SVEP1: variants seen among roughly 807,000 people sequenced by gnomAD.
SVEP1 encodes sushi, von Willebrand factor type A, EGF and pentraxin domain-containing protein 1.
SVEP1 carries 164 observed loss-of-function variants against 367.3 expected under a neutral mutation model. The ratio of observed to expected loss-of-function variants is 0.45; its 90% confidence interval spans 0.39 to 0.51. The LOEUF is 0.51. Ranked by LOEUF, SVEP1 falls within the 20% of genes least tolerant of loss-of-function variation. The pLI is 0.00. For synonymous variants in SVEP1, 1,666 were observed against 1,611.6 expected (o/e 1.03, Z -0.81); for missense variants, 4,117 against 4,425.3 (o/e 0.93, Z 1.98).
chr9:110,517,597 CA>C (rs10656763), intron 3 of SVEP1, among the ~76,000 whole-genome samples: 215 of 125,780 alleles, frequency 1.7e-3, no homozygotes, highest in South Asian at 5.4e-3. Context: ...GACGCTATCT[CA>C]AAAAAAAAAA....
intron 36 of SVEP1, among the ~76,000 whole-genome samples, chr9:110,416,933 C>A (rs1828130007): frequency 6.6e-6 from 1 of 152,046 alleles, no homozygotes. Context: ...CATCTTCCCC[C>A]CAGTTGTGAC....
At chr9:110,552,824 C>G (rs1588105695) in intron 1 of SVEP1, among the ~76,000 whole-genome samples, 1 of 152,164 alleles carries the variant, frequency 6.6e-6, no homozygotes, top group Admixed American at 6.5e-5. Flanking sequence ...TAGAGTAAAA[C>G]TACTCCATTG....
chr9:110,448,654 C>T (rs1264644530), intron 24 of SVEP1, among the ~76,000 whole-genome samples: 1 of 152,176 alleles, frequency 6.6e-6, no homozygotes, highest in Non-Finnish European at 1.5e-5. Context: ...GAATTGGGAG[C>T]GTGTACCTTC....
rs769051232 is a variant in SVEP1, at chr9:110,408,037, G to A, written c.7563C>T (p.Thr2521=). Residue 2521 remains threonine (T), a synonymous_variant, in exon 38 of 48, where the codon ACC becomes ACT. Coordinates refer to ENST00000374469, the MANE Select transcript of SVEP1 (RefSeq NM_153366.4). ...YTDLHYGQTV[T]YSCNRGFRLE... is the part of the protein sequence containing the mutation. ...GCCGAAAGCCTCGGTTGCAAGAGTAGGTAACGGTCTGTCCATAGTGTAGGT... is the reference window on the plus strand; with the variant it reads ...GCCGAAAGCCTCGGTTGCAAGAGTAAGTAACGGTCTGTCCATAGTGTAGGT... 1 of 1,614,016 alleles carries A rather than the reference G, an allele frequency of 6.2e-7. No individual in the cohort carries two copies. Among genetic ancestry groups the A allele is most frequent in the Non-Finnish European group, 8.5e-7 (1 of 1,179,902 alleles).
chr9:110,375,465 T>TCA lies in SVEP1; in HGVS notation c.10505-3_10505-2insTG. 1 of 555,402 alleles carries TCA rather than the reference T, an allele frequency of 1.8e-6. No homozygotes were observed. 34.4% of individuals were successfully genotyped at this position (555,402 alleles called of 1,614,324 possible). On this transcript the variant is annotated splice_region_variant and splice_polypyrimidine_tract_variant and intron_variant, in intron 45 of 47. Coordinates refer to ENST00000374469, the MANE Select transcript of SVEP1 (RefSeq NM_153366.4). ...TCAGACAGGGAAGAATGCAGATTGC[T>TCA]AAAAAAAAAAAAAAAAAAAAAAAAA...
chr9:110,522,251 T>C (rs1179673707), intron 3 of SVEP1, among the ~76,000 whole-genome samples: 2 of 151,982 alleles, frequency 1.3e-5, no homozygotes, highest in Non-Finnish European at 2.9e-5. Context: ...CCAACAGAAG[T>C]TGATTTGTGT....
intron 3 of SVEP1, among the ~76,000 whole-genome samples, chr9:110,531,041 T>C (rs1010395362): frequency 2.3e-4 from 35 of 152,208 alleles, no homozygotes; most frequent in Admixed American, 1.6e-3. Context: ...TGCACATCTA[T>C]TCTATTAATA....
intron 3 of SVEP1, among the ~76,000 whole-genome samples, chr9:110,542,060 C>T (rs1830157517): frequency 6.6e-6 from 1 of 151,874 alleles, no homozygotes; most frequent in Admixed American, 6.6e-5. Flanking sequence ...TTGCTCATAG[C>T]CATGCAGTTT....
chr9:110,427,561 A>T, intron 36 of SVEP1, 30 bp downstream of exon 36: 2 of 1,600,184 alleles, frequency 1.2e-6, no homozygotes, highest in Non-Finnish European at 1.7e-6. Flanking sequence ...TTGGCTCTCA[A>T]TGATCCTTTC....
intron 27 of SVEP1, among the ~76,000 whole-genome samples, chr9:110,438,800 C>A (rs993274709): frequency 1.3e-5 from 2 of 152,132 alleles, no homozygotes; most frequent in African/African-American, 4.8e-5. Context: ...TACTTGCCAG[C>A]GCTCTATACA....
chr9:110,487,231 C>T (rs1418603879), intron 9 of SVEP1, among the ~76,000 whole-genome samples: 7 of 152,174 alleles, frequency 4.6e-5, no homozygotes, highest in African/African-American at 1.4e-4. Context: ...GCTGGTATTA[C>T]AGGATGAGCC....
chr9:110,558,513 CAAA>C (rs59604799), intron 1 of SVEP1, among the ~76,000 whole-genome samples: 48 of 90,764 alleles, frequency 5.3e-4, no homozygotes, highest in African/African-American at 1.8e-3. Context: ...GACCCTGTCT[CAAA>C]AAAAAAAAAA....
chr9:110,393,488 C>A (rs538193978), intron 40 of SVEP1, among the ~76,000 whole-genome samples: 1 of 152,156 alleles, frequency 6.6e-6, no homozygotes, highest in Non-Finnish European at 1.5e-5. Flanking sequence ...ACTGAGGTAC[C>A]GGGTTCATCT....
At chr9:110,444,979 A>T (rs936622470) in intron 26 of SVEP1, among the ~76,000 whole-genome samples, 1 of 152,140 alleles carries the variant, frequency 6.6e-6, no homozygotes, top group Non-Finnish European at 1.5e-5. Context: ...TGGATTGGGG[A>T]TAGAAAAAAA....
At chr9:110,480,125 T>A (rs7850939) in intron 12 of SVEP1, among the ~76,000 whole-genome samples, 1 of 152,062 alleles carries the variant, frequency 6.6e-6, no homozygotes, top group East Asian at 1.9e-4. Flanking sequence ...ATAGCACATA[T>A]AATAATTTTA....
At chr9:110,405,933 T>C (rs920745867) in intron 38 of SVEP1, among the ~76,000 whole-genome samples, 1 of 152,224 alleles carries the variant, frequency 6.6e-6, no homozygotes, top group African/African-American at 2.4e-5. Context: ...ATGATAGTCA[T>C]GATAATTATA....
intron 20 of SVEP1, 141 bp downstream of exon 20, chr9:110,458,330 T>C: frequency 1.4e-6 from 1 of 719,844 alleles, no homozygotes; most frequent in Non-Finnish European, 2.3e-6. Flanking sequence ...TCATTGTAAA[T>C]ACAATTATTC....
At chr9:110,485,312 T>TAA (rs1247413557) in intron 9 of SVEP1, among the ~76,000 whole-genome samples, 1 of 152,190 alleles carries the variant, frequency 6.6e-6, no homozygotes, top group Admixed American at 6.5e-5. Flanking sequence ...GAAGCCATTA[T>TAA]CCTCAGCAAA....
At chr9:110,564,708 G>A (rs1398561127) in intron 1 of SVEP1, among the ~76,000 whole-genome samples, 1 of 151,788 alleles carries the variant, frequency 6.6e-6, no homozygotes, top group Admixed American at 6.6e-5. Flanking sequence ...AATAAACCAG[G>A]ATGGAGCAAA....
Sources: gnomAD v4.1 joint callset for allele counts (sites outside exome capture counted in the v4.1 genomes callset) on GRCh38, gnomAD v4.1.1 for gene constraint, MANE v1.5 for transcripts, NCBI Gene and HGNC (gene_info 2026-07-23, HGNC 2026-07-21) for gene names.